IQCB1: variants seen among roughly 807,000 people sequenced by gnomAD.
IQCB1 encodes the protein IQ calmodulin-binding motif-containing protein 1.
IQCB1 carries 56 observed loss-of-function variants against 84.4 expected under a neutral mutation model. That is an observed-to-expected ratio of 0.66 (90% CI 0.54 to 0.83). The LOEUF (loss-of-function observed/expected upper bound fraction) is 0.83, where lower values mean the gene tolerates loss of function less well. Among genes scored for constraint, IQCB1 ranks in the 40% least tolerant of loss-of-function variants. The pLI, the probability that IQCB1 is intolerant of heterozygous loss-of-function variation, is 0.00. For synonymous variants in IQCB1, 210 were observed against 234.8 expected (o/e 0.89, Z 0.96); for missense variants, 629 against 682.1 (o/e 0.92, Z 0.87).
intron 7 of IQCB1, among the ~76,000 whole-genome samples, chr3:121,806,278 A>G (rs1482100747): frequency 6.6e-6 from 1 of 152,034 alleles, no homozygotes; most frequent in Non-Finnish European, 1.5e-5. Flanking sequence ...TTGTGTCTAG[A>G]GTTTTCTTCC....
At chr3:121,826,320 GTCTAACAACTTTC>G in intron 4 of IQCB1, 140 bp from the exon 5 acceptor site, 1 of 826,042 alleles carries the variant, frequency 1.2e-6, no homozygotes. Flanking sequence ...TGAAAAATTA[GTCTAACAACTTTC>G]TAGAAAAGTA....
At chr3:121,771,336 T>G (rs1213389071) in intron 14 of IQCB1, among the ~76,000 whole-genome samples, 1 of 151,926 alleles carries the variant, frequency 6.6e-6, no homozygotes, top group Non-Finnish European at 1.5e-5. Flanking sequence ...TTATTTATAT[T>G]ATTATTTTTT....
intron 5 of IQCB1, among the ~76,000 whole-genome samples, chr3:121,823,196 A>AAACAAC (rs3045646): frequency 6.6e-6 from 1 of 151,502 alleles, no homozygotes; most frequent in Non-Finnish European, 1.5e-5. Flanking sequence ...AAACTGAAGT[A>AAACAAC]AACAACAACA....
rs992194612 is a variant in IQCB1 at position 121,795,057 on chromosome 3, T to A, written c.986+400A>T. Among the ~76,000 whole-genome samples the A allele has an allele frequency of 3.3e-5, 5 of 152,132 alleles. No homozygotes were observed. In the South Asian group the frequency reaches 1.0e-3, roughly 31 times the overall value. ...TATCATAATTCAATGAAGATATCCA[T>A]CCATGCCATATTTATTCAGGAAAAT... On this transcript the variant is annotated intron_variant, in intron 10 of 14. Transcript: ENST00000310864.
intron 7 of IQCB1, among the ~76,000 whole-genome samples, chr3:121,806,665 G>A (rs375771889): frequency 6.6e-6 from 1 of 151,812 alleles, no homozygotes; most frequent in African/African-American, 2.4e-5. Flanking sequence ...ACCTCCCCTC[G>A]GTTTGGGTTA....
intron 13 of IQCB1, among the ~76,000 whole-genome samples, chr3:121,775,869 C>G (rs1209573734): frequency 6.6e-6 from 1 of 152,012 alleles, no homozygotes; most frequent in Non-Finnish European, 1.5e-5. Flanking sequence ...TTTTGTAAAC[C>G]CTTATCCTCA....
intron 12 of IQCB1, among the ~76,000 whole-genome samples, chr3:121,787,474 C>T (rs34980632): frequency 0.28 from 41,889 of 151,972 alleles, 6,291 homozygotes; most frequent in Admixed American, 0.44. Context: ...AATAAGAGGC[C>T]GGGAGCGGTG....
rs1344978672 is a variant in IQCB1 at position 121,770,236 on chromosome 3, C to T, written c.*109G>A. The T allele has an allele frequency of 5.4e-6, 4 of 734,730 alleles. No homozygotes were observed. The highest frequency in any genetic ancestry group is 1.7e-5 in the African/African-American group (1 of 57,402). 45.5% of individuals were successfully genotyped at this position (734,730 alleles called of 1,614,324 possible). On this transcript the variant is annotated 3_prime_UTR_variant, in exon 15 of 15. Transcript: ENST00000310864. The stretch of plus-strand genomic sequence containing the variant: ...ACTGCAGGTCTTGTCTGGAGGAGAA[C>T]CTCTGGAAAATAATAAGTTAGGATG...
intron 3 of IQCB1, 65 bp downstream of exon 3, chr3:121,828,796 A>G: frequency 8.9e-7 from 1 of 1,128,132 alleles, no homozygotes; most frequent in Non-Finnish European, 1.4e-6. Context: ...AAATGTTAAA[A>G]TTGTACCAAC....
Position 121,832,139 on chromosome 3 carries a change from G to A in IQCB1, c.-13+2252C>T, listed in dbSNP as rs1950663011. On this transcript the variant is annotated intron_variant, in intron 2 of 14. Transcript: ENST00000310864. The stretch of plus-strand genomic sequence containing the variant: ...TGTCAGGCACATTTCGTGTTCACTG[G>A]CCATTATTTCTTTTATGTATTTTCT... Among the ~76,000 whole-genome samples, 3 of 150,156 alleles carry A rather than the reference G, an allele frequency of 2.0e-5. No individual in the cohort carries two copies. The South Asian group carries it at 6.3e-4, about 31-fold the overall frequency.
At chr3:121,825,061 CTTTTTTT>C (rs1553721684) in intron 5 of IQCB1, among the ~76,000 whole-genome samples, 1 of 83,776 alleles carries the variant, frequency 1.2e-5, no homozygotes, top group Non-Finnish European at 2.4e-5. Flanking sequence ...TTTTTCTTTT[CTTTTTTT>C]TTTTTTTTTC....
At chr3:121,813,949 C>G (rs970356299) in intron 5 of IQCB1, among the ~76,000 whole-genome samples, 1 of 152,156 alleles carries the variant, frequency 6.6e-6, no homozygotes, top group African/African-American at 2.4e-5. Flanking sequence ...GAACTCTCCA[C>G]CCCAAATAAA....
At chr3:121,832,036 C>A (rs1234734122) in intron 2 of IQCB1, among the ~76,000 whole-genome samples, 1 of 152,130 alleles carries the variant, frequency 6.6e-6, no homozygotes, top group Non-Finnish European at 1.5e-5. Context: ...TACACATGAT[C>A]CTTTACATTT....
At chr3:121,816,708 A>G (rs1307247412) in intron 5 of IQCB1, among the ~76,000 whole-genome samples, 1 of 152,222 alleles carries the variant, frequency 6.6e-6, no homozygotes, top group Non-Finnish European at 1.5e-5. Context: ...CAAAACCACA[A>G]TGAGATACCC....
chr3:121,814,069 C>G (rs549940451), intron 5 of IQCB1, among the ~76,000 whole-genome samples: 2 of 152,134 alleles, frequency 1.3e-5, no homozygotes, highest in Non-Finnish European at 2.9e-5. Flanking sequence ...TCATAACAAA[C>G]AGTCTCAGTC....
In IQCB1 at chr3:121,828,904, T is replaced by C. The variant is rs1032112417; in HGVS notation, c.57A>G (p.Lys19=). 1 of 1,611,892 alleles carries C rather than the reference T, an allele frequency of 6.2e-7. No individual in the cohort carries two copies. The highest frequency in any genetic ancestry group is 2.2e-5 in the East Asian group (1 of 44,800). Residue 19 remains lysine, a synonymous_variant, in exon 3 of 15, where the codon AAA becomes AAG. Transcript: ENST00000310864. ...RILSIAAEVA[K]SPEQNVPVIL... ...TAACAGGGACATTCTGCTCAGGGCTTTTTGCAACTTCAGCAGCTATAGATA... is the reference window on the plus strand; with the variant it reads ...TAACAGGGACATTCTGCTCAGGGCTCTTTGCAACTTCAGCAGCTATAGATA...
chr3:121,803,104 G>C (rs1481640301), intron 7 of IQCB1, among the ~76,000 whole-genome samples: 1 of 152,080 alleles, frequency 6.6e-6, no homozygotes, highest in Non-Finnish European at 1.5e-5. Flanking sequence ...GCCTAGGCTG[G>C]AGTGTAGTGA....
chr3:121,792,385 C>G (rs903456085), intron 10 of IQCB1, among the ~76,000 whole-genome samples: 13 of 151,856 alleles, frequency 8.6e-5, no homozygotes, highest in Admixed American at 6.5e-5. Context: ...TTGGGCCGGG[C>G]GCGGTGGCTC....
At chr3:121,778,788 CCTAG>C (rs1948347343) in intron 13 of IQCB1, among the ~76,000 whole-genome samples, 1 of 151,716 alleles carries the variant, frequency 6.6e-6, no homozygotes, top group Admixed American at 6.6e-5. Flanking sequence ...CGCCTGTAAT[CCTAG>C]CTACCTGGGA....
Sources: gnomAD v4.1 joint callset for allele counts (sites outside exome capture counted in the v4.1 genomes callset) on GRCh38, gnomAD v4.1.1 for gene constraint, MANE v1.5 for transcripts, NCBI Gene and HGNC (gene_info 2026-07-23, HGNC 2026-07-21) for gene names.